WNK1: variants seen among roughly 807,000 people sequenced by gnomAD.
WNK1 encodes serine/threonine-protein kinase WNK1.
A neutral mutation model predicts 222.8 loss-of-function variants in WNK1; 38 were observed. That is an observed-to-expected ratio of 0.17 (90% CI 0.13 to 0.22). WNK1 has a LOEUF of 0.22. WNK1 is among the 10% of genes least tolerant of loss of function. The probability of loss-of-function intolerance (pLI) is 1.00; values close to 1 mark genes in which losing one functional copy is unlikely to be tolerated. For synonymous variants in WNK1, 1,090 were observed against 1,092.9 expected, an observed-to-expected ratio of 1.00 and a Z score of 0.05; for missense variants, 2,348 against 2,918.4, an observed-to-expected ratio of 0.80 and a Z score of 4.50.
In WNK1 at chr12:885,281, T is replaced by C. The variant is rs759913370; in HGVS notation, c.4477T>C (p.Ser1493Pro). 1 of 1,614,178 alleles carries C rather than the reference T, an allele frequency of 6.2e-7. No individual in the cohort carries two copies. Among genetic ancestry groups the C allele is most frequent in the Non-Finnish European group, 8.5e-7 (1 of 1,180,026 alleles). Residue 1493 changes from serine (S) to proline (P), a missense_variant, in exon 19 of 28, where the codon TCT becomes CCT. Ser to Pro is a moderately conservative substitution (Grantham distance 74). Around this residue, in one of 13 missense-constraint regions of WNK1, gnomAD observed 1,144 missense variants for 1,273.6 expected, o/e 0.90. Coordinates refer to ENST00000315939, the MANE Select transcript of WNK1 (RefSeq NM_018979.4). ...TTVGATLTSV[S>P]TTTSFPSTAS... ...TGTGGGAGCCACATTAACATCAGTT[T>C]CTACCACCACTTCATTCCCAAGCAC...
At chr12:851,764 A>G (rs747153412) in intron 4 of WNK1, 41 of 1,346,278 alleles carry the variant, frequency 3.0e-5, no homozygotes, top group Non-Finnish European at 3.8e-5. Flanking sequence ...GCTGCCCTCA[A>G]AAGGATTGTA....
intron 1 of WNK1, among the ~76,000 whole-genome samples, chr12:806,145 G>T (rs951397705): frequency 2.6e-5 from 4 of 152,262 alleles, no homozygotes; most frequent in East Asian, 1.9e-4. Context: ...CTTACAATAT[G>T]TCGAGCCCTC....
At chr12:818,281 A>G (rs1417672930) in intron 2 of WNK1, among the ~76,000 whole-genome samples, 3 of 152,182 alleles carry the variant, frequency 2.0e-5, no homozygotes, top group Non-Finnish European at 4.4e-5. Context: ...TGAGCTTCAG[A>G]GGCTTATGCC....
At chr12:794,703 G>A (rs1054163436) in intron 1 of WNK1, among the ~76,000 whole-genome samples, 1 of 151,938 alleles carries the variant, frequency 6.6e-6, no homozygotes, top group Non-Finnish European at 1.5e-5. Flanking sequence ...TTGTATTTTG[G>A]TGAGGATTTT....
Position 754,162 on chromosome 12 carries a change from G to C in WNK1, c.597G>C (p.Gln199His), listed in dbSNP as rs145316568. The C allele has an allele frequency of 1.2e-6, 2 of 1,613,140 alleles. No homozygotes were observed. Among genetic ancestry groups the C allele is most frequent in the African/African-American group, 2.7e-5 (2 of 74,952 alleles). The part of the protein sequence containing the change: ...SAKEPQEERS[Q>H]QQDDIEELET... ...AGGAGCCACAGGAGGAACGGAGCCA[G>C]CAGCAGGATGATATCGAAGAGCTGG... Residue 199 changes from glutamine to histidine, a missense_variant, in exon 1 of 28, where the codon CAG becomes CAC. By Grantham distance (24) the Gln-to-His change is conservative. Transcript: ENST00000315939.
chr12:753,708 C>T lies in WNK1; in HGVS notation c.143C>T (p.Thr48Ile). Reference protein sequence around the residue: ...KLGAAAADAVTGRTEEYRRRR... With the variant: ...KLGAAAADAVIGRTEEYRRRR... The stretch of plus-strand genomic sequence containing the variant: ...GGAGCCGCGGCCGCCGACGCTGTGA[C>T]CGGCAGGACCGAGGAGTACAGGCGC... Residue 48 changes from threonine (T) to isoleucine (I), a missense_variant, in exon 1 of 28, where the codon ACC becomes ATC. This residue lies in a region of WNK1 where 108 missense variants were observed against 109.7 expected (regional missense o/e 0.98). Transcript: ENST00000315939. This position sits in a 1 kb window ranked among gnomAD's most constrained non-coding sequence, Gnocchi z 5.2. 1 of 1,612,076 alleles carries T rather than the reference C, an allele frequency of 6.2e-7. No homozygotes were observed. Among genetic ancestry groups the T allele is most frequent in the Non-Finnish European group, 8.5e-7 (1 of 1,179,800 alleles).
intron 1 of WNK1, among the ~76,000 whole-genome samples, chr12:765,663 G>A (rs564746776): frequency 6.6e-6 from 1 of 152,236 alleles, no homozygotes; most frequent in South Asian, 2.1e-4. Flanking sequence ...GTGCATGGTG[G>A]CTCATACTTC....
At chr12:851,510 CTGT>C (rs1817884505) in intron 4 of WNK1, 2 of 1,150,030 alleles carry the variant, frequency 1.7e-6, no homozygotes, top group African/African-American at 3.2e-5. Context: ...TAGAATAAAT[CTGT>C]TGTTGGCTGA....
chr12:763,208 A>C (rs964931134), intron 1 of WNK1, among the ~76,000 whole-genome samples: 4 of 147,646 alleles, frequency 2.7e-5, no homozygotes, highest in African/African-American at 9.7e-5. Context: ...TGGCATTAAC[A>C]GTGTGAATAT....
chr12:884,296 A>G lies in WNK1; in HGVS notation c.3844+53A>G, dbSNP rs1207510033. ...ATGTAAATTCTACAGTGCCTCTGCT[A>G]TGTTGAAAGCTTAATCATAAAGCAG... On this transcript the variant is annotated intron_variant, in intron 18 of 27. Transcript: ENST00000315939. The surrounding 1 kb of genome is among the most constrained non-coding windows in gnomAD (Gnocchi z 5.6). 8 of 1,610,990 alleles carry G rather than the reference A, an allele frequency of 5.0e-6. No homozygotes were observed. The South Asian group carries it at 5.5e-5, about 11-fold the overall frequency.
intron 2 of WNK1, among the ~76,000 whole-genome samples, chr12:816,741 A>G (rs904971361): frequency 2.0e-5 from 3 of 152,228 alleles, no homozygotes; most frequent in African/African-American, 7.2e-5. Flanking sequence ...TTCCTTGGTC[A>G]GTGTCCAGAG....
At chr12:777,096 T>C (rs1367641122) in intron 1 of WNK1, among the ~76,000 whole-genome samples, 2 of 152,162 alleles carry the variant, frequency 1.3e-5, no homozygotes, top group Non-Finnish European at 2.9e-5. Context: ...TTTTAGTTAC[T>C]TTTCTTATTG....
chr12:780,223 A>G (rs1482522342), intron 1 of WNK1, among the ~76,000 whole-genome samples: 1 of 152,192 alleles, frequency 6.6e-6, no homozygotes, highest in Admixed American at 6.5e-5. Context: ...GTTGTCAGTG[A>G]AGATTTATTT....
At chr12:890,872 T>C (rs904418429) in intron 22 of WNK1, among the ~76,000 whole-genome samples, 5 of 152,276 alleles carry the variant, frequency 3.3e-5, no homozygotes, top group African/African-American at 1.2e-4. Context: ...TCTGGACATA[T>C]ATTTGTATTG....
intron 9 of WNK1, 164 bp from the exon 10 acceptor site, chr12:878,048 A>G (rs1952786224): frequency 1.1e-6 from 1 of 874,884 alleles, no homozygotes; most frequent in Non-Finnish European, 1.8e-6. Flanking sequence ...CATCAGAGGG[A>G]AAACAAATAT....
intron 25 of WNK1, among the ~76,000 whole-genome samples, chr12:898,200 A>G (rs1427251905): frequency 6.6e-6 from 1 of 152,120 alleles, no homozygotes; most frequent in Non-Finnish European, 1.5e-5. Flanking sequence ...CTTGCTAGTC[A>G]TTGGTTAGGC....
At position 884,742 on chromosome 12, in the gene WNK1, C is replaced by A. The variant is rs1207852609; in HGVS notation, c.3938C>A (p.Ala1313Asp). The change falls in exon 19 of 28, where the codon GCC becomes GAC. Residue 1313 changes from alanine (A) to aspartate (D), a missense_variant. By Grantham distance (126) the Ala-to-Asp change is moderately radical. Coordinates refer to ENST00000315939, the MANE Select transcript of WNK1 (RefSeq NM_018979.4). The surrounding 1 kb of genome is among the most constrained non-coding windows in gnomAD (Gnocchi z 5.6). The stretch of plus-strand genomic sequence containing the variant: ...CAGGCCTTTTCTGAACTTAGACGTG[C>A]CCAAATGACAGAAGGACCCAACACA... ...LQQAFSELRR[A>D]QMTEGPNTAP... 1 of 1,614,162 alleles carries A rather than the reference C, an allele frequency of 6.2e-7. No homozygotes were observed. The highest frequency in any genetic ancestry group is 2.2e-5 in the East Asian group (1 of 44,888).
At chr12:765,222 CAT>C (rs1249554516) in intron 1 of WNK1, among the ~76,000 whole-genome samples, 3 of 147,876 alleles carry the variant, frequency 2.0e-5, no homozygotes, top group Admixed American at 6.7e-5. Context: ...TCAGTGACAA[CAT>C]GTGGCTACGA....
At chr12:907,770 ATCCCGTGAAGTTT>A in intron 26 of WNK1, 64 bp from the exon 27 acceptor site, 1 of 1,533,572 alleles carries the variant, frequency 6.5e-7, no homozygotes, top group Non-Finnish European at 9.0e-7. Context: ...GCCATTCATC[ATCCCGTGAAGTTT>A]TCCCTCTTCC....
Sources: allele counts gnomAD v4.1 joint callset (sites outside exome capture counted in the v4.1 genomes callset), GRCh38; gene constraint gnomAD v4.1.1; regional missense constraint gnomAD v4.1.1; non-coding constraint Gnocchi (gnomAD v3.1); transcripts MANE v1.5; gene names NCBI Gene and HGNC (gene_info 2026-07-23, HGNC 2026-07-21).